MAF: variants seen among roughly 807,000 people sequenced by gnomAD.
MAF encodes the protein transcription factor Maf.
Under a neutral mutation model 22.0 loss-of-function variants are expected in MAF, and 10 were observed. That is an observed-to-expected ratio of 0.45 (90% confidence interval 0.28 to 0.77). MAF has a LOEUF of 0.77. MAF is among the 30% of genes least tolerant of loss of function. The pLI, the probability that MAF is intolerant of heterozygous loss-of-function variation, is 0.12. For missense variants in MAF, 544 were observed against 548.4 expected (o/e 0.99, Z 0.08); for synonymous variants, 337 against 255.8 (o/e 1.32, Z -3.03).
chr16:79,597,963 C>T, intron 1 of MAF: 1 of 1,044,254 alleles, frequency 9.6e-7, no homozygotes, highest in Non-Finnish European at 1.2e-6. Context: ...AAGGCCAAAA[C>T]TCACAAGTCA....
the MAF span, among the ~76,000 whole-genome samples, chr16:79,487,989 C>G: frequency 0.033 from 5,023 of 152,324 alleles, 87 homozygotes; most frequent in South Asian, 0.059. Context: ...GCCTGTCAAT[C>G]CATTTATCTG....
At chr16:79,502,777 G>A in the MAF span, among the ~76,000 whole-genome samples, 2 of 126,734 alleles carry the variant, frequency 1.6e-5, no homozygotes, top group South Asian at 4.9e-4. Context: ...GCTCAATGAG[G>A]GTTTGCCTGT....
At chr16:79,457,354 A>G in the MAF span, among the ~76,000 whole-genome samples, 18 of 150,368 alleles carry the variant, frequency 1.2e-4, no homozygotes, top group African/African-American at 4.4e-4. Context: ...AGCAGCCCAA[A>G]GCCAGGCACC....
chr16:79,597,229 CA>C (rs1913587516), intron 1 of MAF: 3 of 1,051,272 alleles, frequency 2.9e-6, no homozygotes, highest in Non-Finnish European at 3.4e-6. Context: ...CTAACTCTTT[CA>C]AATTTATCTA....
chr16:79,260,125 C>T, the MAF span, among the ~76,000 whole-genome samples: 1 of 152,154 alleles, frequency 6.6e-6, no homozygotes, highest in African/African-American at 2.4e-5. Flanking sequence ...CAACTCCATA[C>T]ACTTGACTCA....
chr16:79,598,491 G>T, intron 1 of MAF: 1 of 1,335,372 alleles, frequency 7.5e-7, no homozygotes, highest in Non-Finnish European at 9.6e-7. Flanking sequence ...AAGTTATGGA[G>T]AATTTCAGAT....
chr16:79,314,574 C>T, the MAF span, among the ~76,000 whole-genome samples: 1 of 152,152 alleles, frequency 6.6e-6, no homozygotes, highest in Non-Finnish European at 1.5e-5. Context: ...TGGCAGGTCC[C>T]TACATTTTCC....
At chr16:79,464,544 C>T in the MAF span, among the ~76,000 whole-genome samples, 9 of 152,134 alleles carry the variant, frequency 5.9e-5, no homozygotes, top group South Asian at 2.1e-4. Flanking sequence ...CAGAATTTTT[C>T]GAAATGCTGT....
At chr16:79,585,263 G>C (rs1912767100), downstream of MAF, among the ~76,000 whole-genome samples, 1 of 152,142 alleles carries the variant, frequency 6.6e-6, no homozygotes, top group Admixed American at 6.6e-5. Flanking sequence ...ATGAAAATCA[G>C]GTTTCTGCTT....
the MAF span, among the ~76,000 whole-genome samples, chr16:79,339,121 G>A: frequency 6.6e-6 from 1 of 151,852 alleles, no homozygotes; most frequent in Non-Finnish European, 1.5e-5. Flanking sequence ...CCAGGCTGGA[G>A]CGCAGTGGCA....
chr16:79,232,475 G>T, the MAF span, among the ~76,000 whole-genome samples: 9 of 151,972 alleles, frequency 5.9e-5, no homozygotes, highest in African/African-American at 2.2e-4. Flanking sequence ...TATGGAGAAA[G>T]AAACTTGGAG....
At chr16:79,223,804 A>C in the MAF span, among the ~76,000 whole-genome samples, 1 of 152,184 alleles carries the variant, frequency 6.6e-6, no homozygotes, top group African/African-American at 2.4e-5. Context: ...CCCAAGACTC[A>C]ACCAGGAAGA....
chr16:79,561,244 C>T, the MAF span, among the ~76,000 whole-genome samples: 5 of 150,102 alleles, frequency 3.3e-5, no homozygotes, highest in Non-Finnish European at 4.5e-5. Context: ...GTATTTTAAA[C>T]ATTTTTTTTT....
chr16:79,287,104 C>T, the MAF span, among the ~76,000 whole-genome samples: 3 of 148,076 alleles, frequency 2.0e-5, no homozygotes, highest in African/African-American at 5.0e-5. Context: ...TTGTCCTCCA[C>T]GTACTCTGCC....
At chr16:79,343,056 C>G in the MAF span, among the ~76,000 whole-genome samples, 1,484 of 152,252 alleles carry the variant, frequency 9.7e-3, 12 homozygotes, top group African/African-American at 0.034. Context: ...CCTCAGCTAG[C>G]TGGAGACTGT....
chr16:79,333,190 T>C, the MAF span, among the ~76,000 whole-genome samples: 1 of 152,184 alleles, frequency 6.6e-6, no homozygotes, highest in Admixed American at 6.5e-5. Flanking sequence ...GTTGTCTCTT[T>C]GGCTCGCTGG....
chr16:79,568,781 A>C, the MAF span, among the ~76,000 whole-genome samples: 8 of 152,232 alleles, frequency 5.3e-5, no homozygotes, highest in Non-Finnish European at 1.2e-4. Flanking sequence ...CCTTCAAGAC[A>C]ACCTTCAGAA....
chr16:79,508,112 T>A, the MAF span, among the ~76,000 whole-genome samples: 1 of 152,126 alleles, frequency 6.6e-6, no homozygotes, highest in Non-Finnish European at 1.5e-5. Context: ...AGGCGCAGCA[T>A]GGGAGCAACC....
the MAF span, among the ~76,000 whole-genome samples, chr16:79,496,218 A>T: frequency 6.6e-6 from 1 of 152,222 alleles, no homozygotes; most frequent in Non-Finnish European, 1.5e-5. Flanking sequence ...ATAAGTCTTA[A>T]CTTTAAAAAA....
Sources: allele counts gnomAD v4.1 joint callset (sites outside exome capture counted in the v4.1 genomes callset), GRCh38; gene constraint gnomAD v4.1.1; transcripts MANE v1.5; gene names NCBI Gene and HGNC (gene_info 2026-07-23, HGNC 2026-07-21).